The following MSH6 variants were observed in gnomAD, a reference collection of about 807,000 sequenced individuals.
MSH6 encodes DNA mismatch repair protein Msh6.
MSH6 carries 85 observed loss-of-function variants against 119.1 expected under a neutral mutation model. The observed-to-expected ratio is 0.71, with a 90% CI of 0.60 to 0.85. The LOEUF is 0.85. MSH6 is among the 40% of genes least tolerant of loss of function. The pLI, the probability that MSH6 is intolerant of heterozygous loss-of-function variation, is 0.00. For missense variants in MSH6, 2,163 were observed against 1,655.3 expected, an observed-to-expected ratio of 1.31 and a Z score of -5.32; for synonymous variants, 830 against 586.9, an observed-to-expected ratio of 1.41 and a Z score of -5.99.
At chr2:47,783,846 G>T in intron 1 of MSH6, 1 of 853,302 alleles carries the variant, frequency 1.2e-6, no homozygotes, top group Non-Finnish European at 1.4e-6. Context: ...CTGGGAGGTG[G>T]GAGCACTGGG....
downstream of MSH6, chr2:47,809,105 A>G (rs145978463): frequency 1.5e-3 from 1,803 of 1,186,164 alleles, 9 homozygotes; most frequent in Middle Eastern, 0.012. Context: ...TTGCTAATTT[A>G]AAAAGGAAAT....
downstream of MSH6, chr2:47,809,901 GCAA>G: frequency 1.9e-6 from 1 of 537,316 alleles, no homozygotes; most frequent in South Asian, 2.7e-5. Flanking sequence ...GGTCAAAACT[GCAA>G]TTAACTTTCG....
chr2:47,797,872 C>T, intron 3 of MSH6: 1 of 235,804 alleles, frequency 4.2e-6, no homozygotes, highest in South Asian at 6.3e-5. Flanking sequence ...GCTTGCATCT[C>T]TTAATAGCTA....
rs2103927800 is a variant in MSH6 at position 47,783,181 on chromosome 2, G to T, written c.-53G>T. The T allele has an allele frequency of 3.1e-6, 5 of 1,604,012 alleles. No homozygotes were observed. The highest frequency in any genetic ancestry group is 4.2e-6 in the Non-Finnish European group (5 of 1,176,578). On this transcript the variant is annotated 5_prime_UTR_variant, in exon 1 of 10. Transcript: ENST00000234420. ...CAGCAGGAGCCGCGCGGTAGATGCG[G>T]TGCTTTTAGGAGCTCCGTCCGACAG... is the stretch of plus-strand genomic sequence containing the variant.
intron 3 of MSH6, chr2:47,798,127 G>A (rs1302910757): frequency 1.1e-5 from 2 of 176,102 alleles, no homozygotes; most frequent in African/African-American, 4.8e-5. Flanking sequence ...GAGAACTATT[G>A]GCATGGAAAA....
At chr2:47,795,788 A>C in intron 2 of MSH6, 106 bp from the exon 3 acceptor site, 5 of 926,054 alleles carry the variant, frequency 5.4e-6, no homozygotes, top group Non-Finnish European at 8.6e-6. Context: ...ATTTTAAGAT[A>C]GAGATGGGGT....
At chr2:47,805,405 T>C (rs1669927530) in intron 6 of MSH6, among the ~76,000 whole-genome samples, 2 of 152,200 alleles carry the variant, frequency 1.3e-5, no homozygotes, top group East Asian at 3.9e-4. Flanking sequence ...TCTTAACTCC[T>C]GACCTCAGGT....
chr2:47,796,170 GTAT>G, intron 3 of MSH6, 107 bp downstream of exon 3: 2 of 1,160,226 alleles, frequency 1.7e-6, no homozygotes, highest in South Asian at 1.3e-5. Context: ...GTGTGTATAT[GTAT>G]TATTTTATTA....
intron 1 of MSH6, among the ~76,000 whole-genome samples, chr2:47,789,601 A>C (rs1219197396): frequency 2.0e-5 from 3 of 152,186 alleles, no homozygotes; most frequent in African/African-American, 7.2e-5. Flanking sequence ...CCCTTTTCTA[A>C]GACTAAAGTT....
rs746143003 is a variant in MSH6 at position 47,800,507 on chromosome 2, G to C, written c.2524G>C (p.Ala842Pro). Residue 842 changes from alanine (A) to proline (P), a missense_variant, in exon 4 of 10, where the codon GCT (alanine) becomes CCT (proline). Physicochemically the swap from Ala to Pro is conservative, Grantham distance 27. Coordinates refer to ENST00000234420, the MANE Select transcript of MSH6 (RefSeq NM_000179.3). ...LKSQNHPDSRAIMYEETTYSK... is the reference protein window; with the variant it reads ...LKSQNHPDSRPIMYEETTYSK... ...GAGTCAGAACCACCCAGACAGCAGG[G>C]CTATAATGTATGAAGAAACTACATA... 1.9e-6 allele frequency: 3 copies of C among 1,613,056 alleles called. No individual in the cohort carries two copies. The highest frequency in any genetic ancestry group is 2.5e-6 in the Non-Finnish European group (3 of 1,179,802).
At chr2:47,790,837 G>C in intron 1 of MSH6, 90 bp from the exon 2 acceptor site, 2 of 1,165,800 alleles carry the variant, frequency 1.7e-6, no homozygotes, top group Non-Finnish European at 2.6e-6. Context: ...ATTAATGCCA[G>C]AAGACTTGGA....
At chr2:47,791,649 G>A (rs961986191) in intron 2 of MSH6, among the ~76,000 whole-genome samples, 4 of 150,310 alleles carry the variant, frequency 2.7e-5, no homozygotes, top group East Asian at 1.9e-4. Flanking sequence ...GCACCCCATC[G>A]TCTCTTGTAC....
At position 47,791,115 on chromosome 2, in the gene MSH6, C is replaced by T. The variant is rs757311007; in HGVS notation, c.449C>T (p.Pro150Leu). The T allele has an allele frequency of 2.5e-6, 4 of 1,613,858 alleles. No individual in the cohort carries two copies. Among genetic ancestry groups the T allele is most frequent in the Non-Finnish European group, 2.5e-6 (3 of 1,179,888 alleles). ...TGGGTTAGCAAAAGGCTTTTAAAGCCATATACAGGTAAGAGTCACTACTGC... is the reference window on the plus strand; with the variant it reads ...TGGGTTAGCAAAAGGCTTTTAAAGCTATATACAGGTAAGAGTCACTACTGC... ...RGWVSKRLLK[P>L]YTGSKSKEAQ... The change falls in exon 2 of 10, where the codon CCA becomes CTA. Residue 150 changes from proline to leucine, a missense_variant. Coordinates refer to ENST00000234420, the MANE Select transcript of MSH6 (RefSeq NM_000179.3).
Position 47,783,459 on chromosome 2 carries a change from C to A in MSH6, c.226C>A (p.Leu76Met), listed in dbSNP as rs1553408398. Residue 76 changes from leucine (L) to methionine (M), a missense_variant, in exon 1 of 10, where the codon CTG (leucine) becomes ATG (methionine). Transcript: ENST00000234420. ...PPKAKNLNGG[L>M]RRSVAPAAPT... ...CAAGGCGAAGAACCTCAACGGAGGG[C>A]TGCGGAGATCGGTAGCGCCTGCTGC... 6.8e-7 allele frequency: 1 copy of A among 1,463,150 alleles called. No homozygotes were observed. Among genetic ancestry groups the A allele is most frequent in the African/African-American group, 1.5e-5 (1 of 67,816 alleles). 90.6% of individuals were successfully genotyped at this position (1,463,150 alleles called of 1,614,324 possible).
chr2:47,793,648 A>G (rs1304955139), intron 2 of MSH6, among the ~76,000 whole-genome samples: 1 of 151,628 alleles, frequency 6.6e-6, no homozygotes, highest in Non-Finnish European at 1.5e-5. Context: ...AAAATAATAA[A>G]TAAAGTAAAA....
intron 1 of MSH6, among the ~76,000 whole-genome samples, chr2:47,785,590 G>T (rs1287117413): frequency 1.3e-5 from 2 of 152,190 alleles, no homozygotes; most frequent in Non-Finnish European, 2.9e-5. Context: ...AAGGAATTCT[G>T]AGATTTTTCT....
intron 7 of MSH6, 66 bp from the exon 8 acceptor site, chr2:47,806,138 T>G: frequency 8.2e-7 from 1 of 1,214,106 alleles, no homozygotes; most frequent in South Asian, 1.3e-5. Flanking sequence ...CTAGCATTTT[T>G]GTTTTAATTC....
intron 1 of MSH6, chr2:47,783,921 G>GGGC: frequency 2.4e-6 from 2 of 830,510 alleles, no homozygotes; most frequent in East Asian, 1.1e-4. Context: ...GGGGTGGCGG[G>GGGC]AAGGAGGAAT....
At chr2:47,792,113 T>C (rs949030977) in intron 2 of MSH6, among the ~76,000 whole-genome samples, 19 of 152,170 alleles carry the variant, frequency 1.2e-4, no homozygotes, top group African/African-American at 4.6e-4. Flanking sequence ...ACCAAAGTGC[T>C]GGGATTATAG....
Sources: gnomAD v4.1 joint callset for allele counts (sites outside exome capture counted in the v4.1 genomes callset) on GRCh38, gnomAD v4.1.1 for gene constraint, MANE v1.5 for transcripts, NCBI Gene and HGNC (gene_info 2026-07-23, HGNC 2026-07-21) for gene names.